Variants in AKR1C4 observed in about 807,000 individuals in gnomAD.
AKR1C4 encodes aldo-keto reductase family 1 member C4, also known as 3-alpha-HSD1.
In AKR1C4, 44 loss-of-function variants were observed where a neutral mutation model predicts 41.0. The observed-to-expected ratio is 1.07, with a 90% CI of 0.84 to 1.38. The LOEUF (loss-of-function observed/expected upper bound fraction) is 1.38. Ranked by LOEUF, AKR1C4 falls within the 40% of genes most tolerant of loss-of-function variation. AKR1C4 has a pLI of 0.00. For synonymous variants in AKR1C4, 165 were observed against 137.7 expected, an observed-to-expected ratio of 1.20 and a Z score of -1.39; for missense variants, 438 against 387.9, an observed-to-expected ratio of 1.13 and a Z score of -1.09.
At chr10:5,202,695 T>C (rs144319898) in intron 2 of AKR1C4, among the ~76,000 whole-genome samples, 203 of 152,314 alleles carry the variant, frequency 1.3e-3, no homozygotes, top group African/African-American at 4.5e-3. Flanking sequence ...CATAAATGGA[T>C]GTTGGATTTT....
At chr10:5,208,336 T>G (rs1161925028) in intron 5 of AKR1C4, among the ~76,000 whole-genome samples, 1 of 151,656 alleles carries the variant, frequency 6.6e-6, no homozygotes, top group Non-Finnish European at 1.5e-5. Flanking sequence ...GGTAATATAA[T>G]ACAAAATCAT....
intron 5 of AKR1C4, among the ~76,000 whole-genome samples, chr10:5,210,409 G>A (rs1356906138): frequency 6.6e-6 from 1 of 152,180 alleles, no homozygotes; most frequent in Non-Finnish European, 1.5e-5. Context: ...AGGGTCTGGA[G>A]GATGGTGGCC....
intron 2 of AKR1C4, among the ~76,000 whole-genome samples, chr10:5,202,939 T>TGTG (rs1832423115): frequency 8.6e-5 from 12 of 139,190 alleles, no homozygotes; most frequent in East Asian, 4.2e-4. Context: ...TAGTTTTCTT[T>TGTG]TGTGTGTGTG....
chr10:5,216,906 TGA>T lies in AKR1C4; in HGVS notation c.929+116_929+117del, dbSNP rs1433250030. 7.3e-6 allele frequency: 5 copies of T among 687,060 alleles called. No individual in the cohort carries two copies. The African/African-American group carries it at 9.0e-5, about 12-fold the overall frequency. 42.6% of individuals were successfully genotyped at this position (687,060 alleles called of 1,614,324 possible). ...GACAGAGGCCAGTGCAAGTGAGAGG[TGA>T]GACAGGAACTCTCTGGAACTCTCCT... On this transcript the variant is annotated intron_variant, in intron 8 of 8. Coordinates refer to ENST00000263126, the MANE Select transcript of AKR1C4 (RefSeq NM_001818.5).
chr10:5,215,541 T>TGG (rs2132140908), intron 7 of AKR1C4, among the ~76,000 whole-genome samples: 1 of 152,292 alleles, frequency 6.6e-6, no homozygotes, highest in Admixed American at 6.5e-5. Context: ...CACCCATACC[T>TGG]GATCATAGGC....
intron 5 of AKR1C4, chr10:5,207,764 T>C: frequency 2.5e-6 from 1 of 402,382 alleles, no homozygotes; most frequent in South Asian, 2.1e-5. Context: ...ATACCTTTTC[T>C]ATATATGTAG....
At chr10:5,201,281 A>G (rs1204150203) in intron 2 of AKR1C4, among the ~76,000 whole-genome samples, 5 of 152,016 alleles carry the variant, frequency 3.3e-5, no homozygotes, top group African/African-American at 1.2e-4. Context: ...CTGTCTTTTC[A>G]GCTTTTTAAT....
intron 8 of AKR1C4, 128 bp from the exon 9 acceptor site, chr10:5,218,590 T>A: frequency 4.6e-6 from 3 of 657,992 alleles, no homozygotes; most frequent in Non-Finnish European, 7.7e-6. Flanking sequence ...AAAGACATTC[T>A]ACAAATAGTC....
chr10:5,202,939 T>G (rs1023265066), intron 2 of AKR1C4, among the ~76,000 whole-genome samples: 2 of 139,192 alleles, frequency 1.4e-5, no homozygotes, highest in South Asian at 4.6e-4. Flanking sequence ...TAGTTTTCTT[T>G]TGTGTGTGTG....
intron 1 of AKR1C4, 47 bp from the exon 2 acceptor site, chr10:5,200,134 T>C (rs1270465073): frequency 1.3e-6 from 2 of 1,578,178 alleles, no homozygotes; most frequent in East Asian, 2.2e-5. Flanking sequence ...TTTCACTACC[T>C]CTCAAGCACA....
At chr10:5,210,677 T>A (rs1335666143) in intron 5 of AKR1C4, among the ~76,000 whole-genome samples, 1 of 151,578 alleles carries the variant, frequency 6.6e-6, no homozygotes, top group Non-Finnish European at 1.5e-5. Context: ...AATGGCGCTA[T>A]CTCAGCTCAC....
At chr10:5,198,162 G>A (rs548181091) in intron 1 of AKR1C4, among the ~76,000 whole-genome samples, 68 of 152,094 alleles carry the variant, frequency 4.5e-4, no homozygotes, top group Non-Finnish European at 6.2e-4. Flanking sequence ...GGGATAAAGC[G>A]TACCTTACTA....
chr10:5,218,817 G>A lies in AKR1C4; in HGVS notation c.*57G>A. 1.3e-6 allele frequency: 2 copies of A among 1,521,216 alleles called. No homozygotes were observed. Among genetic ancestry groups the A allele is most frequent in the Non-Finnish European group, 1.8e-6 (2 of 1,097,128 alleles). The allele number at this position is 1,521,216 out of a possible 1,614,324, so 94.2% of individuals were successfully genotyped here. A position where few individuals can be genotyped will look rare whatever the true frequency, so the allele number is the denominator to read the frequency against. On this transcript the variant is annotated 3_prime_UTR_variant, in exon 9 of 9. Coordinates refer to ENST00000263126, the MANE Select transcript of AKR1C4 (RefSeq NM_001818.5). ...GGCCCTGTGTGTGGATGGTGATGCA[G>A]AGGATGTCTCTATGCTGGTGACTGG...
chr10:5,199,717 C>A (rs1420113391), intron 1 of AKR1C4, among the ~76,000 whole-genome samples: 1 of 152,098 alleles, frequency 6.6e-6, no homozygotes, highest in African/African-American at 2.4e-5. Context: ...GGAAAACGTT[C>A]CTACTCCATC....
In AKR1C4 at chr10:5,205,719, G is replaced by C. The variant is rs186954158; in HGVS notation, c.370-38G>C. ...TGGGAGCATGCCTATGGGTGGAAAA[G>C]TTAAATGGTGACACTAAAGTGACTG... On this transcript the variant is annotated intron_variant, in intron 3 of 8. Coordinates refer to ENST00000263126, the MANE Select transcript of AKR1C4 (RefSeq NM_001818.5). The C allele has an allele frequency of 1.9e-6, 3 of 1,589,220 alleles. No homozygotes were observed. In the African/African-American group the frequency reaches 4.0e-5, roughly 21 times the overall value.
intron 5 of AKR1C4, among the ~76,000 whole-genome samples, chr10:5,212,002 A>G (rs528733059): frequency 3.9e-5 from 6 of 152,274 alleles, no homozygotes; most frequent in South Asian, 2.1e-4. Flanking sequence ...CCATGATTCA[A>G]TTATCTCCCC....
At chr10:5,200,025 C>T (rs1482453022) in intron 1 of AKR1C4, among the ~76,000 whole-genome samples, 156 bp from the exon 2 acceptor site, 1 of 152,210 alleles carries the variant, frequency 6.6e-6, no homozygotes, top group African/African-American at 2.4e-5. Flanking sequence ...ACAACCTGCC[C>T]CCATCTGTAT....
At chr10:5,210,626 G>C (rs1312393750) in intron 5 of AKR1C4, among the ~76,000 whole-genome samples, 3 of 148,034 alleles carry the variant, frequency 2.0e-5, no homozygotes, top group Non-Finnish European at 3.0e-5. Flanking sequence ...TTTTTTTTGA[G>C]ATGGAGTCTC....
At chr10:5,204,637 G>A (rs1345694339) in intron 3 of AKR1C4, 144 bp downstream of exon 3, 1 of 777,956 alleles carries the variant, frequency 1.3e-6, no homozygotes, top group Non-Finnish European at 2.3e-6. Flanking sequence ...CCATTTTCTT[G>A]AAGAGTACAA....
Sources: allele counts gnomAD v4.1 joint callset (sites outside exome capture counted in the v4.1 genomes callset), GRCh38; gene constraint gnomAD v4.1.1; transcripts MANE v1.5; gene names NCBI Gene and HGNC (gene_info 2026-07-23, HGNC 2026-07-21).